Variants in TBC1D24 observed in about 807,000 individuals in gnomAD.
TBC1D24 encodes the protein Infantile myoclonic epilepsy.
In TBC1D24, 47 loss-of-function variants were observed where a neutral mutation model predicts 50.7. The ratio of observed to expected loss-of-function variants is 0.93; its 90% confidence interval spans 0.73 to 1.18. The LOEUF is 1.18. Ranked by LOEUF, TBC1D24 falls within the 50% of genes most tolerant of loss-of-function variation. The probability of loss-of-function intolerance (pLI) is 0.00; values close to 1 mark genes in which losing one functional copy is unlikely to be tolerated. For missense variants in TBC1D24, 688 were observed against 766.5 expected (o/e 0.90, Z 1.21); for synonymous variants, 324 against 335.2 (o/e 0.97, Z 0.36).
chr16:2,499,969 C>T lies in TBC1D24; in HGVS notation c.1302+39C>T, dbSNP rs1231534908. On this transcript the variant is annotated intron_variant, in intron 6 of 7. Transcript: ENST00000646147. This position sits in a 1 kb window ranked among gnomAD's most constrained non-coding sequence, Gnocchi z 4.0. Reference sequence around the variant, plus strand: ...AGTGTCCCCAAACCCCCACGCAGACCCTGTAGCTGCATCCCTCCAGGAGCA... The same window carrying T: ...AGTGTCCCCAAACCCCCACGCAGACTCTGTAGCTGCATCCCTCCAGGAGCA... The T allele has an allele frequency of 1.3e-6, 2 of 1,579,878 alleles. No individual in the cohort carries two copies. Among genetic ancestry groups the T allele is most frequent in the South Asian group, 2.2e-5 (2 of 90,406 alleles).
In TBC1D24 at chr16:2,487,627, G is replaced by T. The variant is rs1239124600; in HGVS notation, c.-115-8407G>T. Reference sequence around the variant, plus strand: ...GTGCTGGAGTTTTGTGCTGGAGTTTGGTGTTGGAGTTTGGTGTTGGAGTTT... The same window carrying T: ...GTGCTGGAGTTTTGTGCTGGAGTTTTGTGTTGGAGTTTGGTGTTGGAGTTT... On this transcript the variant is annotated intron_variant, in intron 1 of 7. Coordinates refer to ENST00000646147, the MANE Select transcript of TBC1D24 (RefSeq NM_001199107.2). The surrounding 1 kb of genome is among the most constrained non-coding windows in gnomAD (Gnocchi z 4.1). Among the ~76,000 whole-genome samples the T allele has an allele frequency of 6.7e-6, 1 of 149,078 alleles. No homozygotes were observed. Among genetic ancestry groups the T allele is most frequent in the Admixed American group, 6.7e-5 (1 of 14,856 alleles).
Position 2,499,863 on chromosome 16 carries a change from G to C in TBC1D24, c.1235G>C (p.Trp412Ser). The change falls in exon 6 of 8, where the codon TGG (tryptophan) becomes TCG (serine). Residue 412 changes from tryptophan (W) to serine (S), a missense_variant. By Grantham distance (177) the Trp-to-Ser change is radical (BLOSUM62 -3). Transcript: ENST00000646147. The surrounding 1 kb of genome is among the most constrained non-coding windows in gnomAD (Gnocchi z 4.0). ...TGTGGTGCTTACCTGTCCACAGACT[G>C]GAGTGAGAGAAATAAGTTTGGAGGC... ...EVCGAYLSTD[W>S]SERNKFGGKL... is the part of the protein sequence containing the mutation. The C allele has an allele frequency of 6.2e-7, 1 of 1,614,118 alleles. No homozygotes were observed. The highest frequency in any genetic ancestry group is 8.5e-7 in the Non-Finnish European group (1 of 1,179,980).
At position 2,485,756 on chromosome 16, in the gene TBC1D24, C is replaced by A. The variant is rs190778066; in HGVS notation, c.-115-10278C>A. On this transcript the variant is annotated intron_variant, in intron 1 of 7. Coordinates refer to ENST00000646147, the MANE Select transcript of TBC1D24 (RefSeq NM_001199107.2). This position sits in a 1 kb window ranked among gnomAD's most constrained non-coding sequence, Gnocchi z 4.6. Reference sequence around the variant, plus strand: ...CGCTGCAGAATGGATTGCTTGCTGCCGGGAGAAACCCCCGCATCTTCTGGG... The same window carrying A: ...CGCTGCAGAATGGATTGCTTGCTGCAGGGAGAAACCCCCGCATCTTCTGGG... 2.6e-5 allele frequency among the ~76,000 whole-genome samples: 4 copies of A among 152,130 alleles called. No homozygotes were observed. Among genetic ancestry groups the A allele is most frequent in the Admixed American group, 1.3e-4 (2 of 15,282 alleles).
intron 1 of TBC1D24, among the ~76,000 whole-genome samples, chr16:2,492,259 C>T (rs149425703): frequency 8.5e-4 from 129 of 152,120 alleles, no homozygotes; most frequent in African/African-American, 3.0e-3. Flanking sequence ...AGGGCTCCCT[C>T]GGGTCTTTTG....
In TBC1D24 at chr16:2,487,545, C is replaced by T. The variant is rs562415969; in HGVS notation, c.-115-8489C>T. Among the ~76,000 whole-genome samples the T allele has an allele frequency of 6.6e-6, 1 of 152,266 alleles. No individual in the cohort carries two copies. Among genetic ancestry groups the T allele is most frequent in the Non-Finnish European group, 1.5e-5 (1 of 68,054 alleles). ...TTGTTTGGGAAAATCACATTCCCCT[C>T]TGAAGAAGCGAGACGTGCAGAGGCC... is the stretch of plus-strand genomic sequence containing the variant. On this transcript the variant is annotated intron_variant, in intron 1 of 7. Transcript: ENST00000646147. This position sits in a 1 kb window ranked among gnomAD's most constrained non-coding sequence, Gnocchi z 4.1.
chr16:2,476,464 T>C (rs1043358806), intron 1 of TBC1D24: 1 of 152,282 alleles, frequency 6.6e-6, no homozygotes, highest in Non-Finnish European at 1.5e-5. Flanking sequence ...ATTTTACAGT[T>C]ACTGTTCCTA....
chr16:2,500,862 C>A lies in TBC1D24; in HGVS notation c.1584C>A (p.Ser528Arg), dbSNP rs1484557979. The change falls in exon 8 of 8, where the codon AGC (serine) becomes AGA (arginine). Residue 528 changes from serine to arginine, a missense_variant. Coordinates refer to ENST00000646147, the MANE Select transcript of TBC1D24 (RefSeq NM_001199107.2). This position sits in a 1 kb window ranked among gnomAD's most constrained non-coding sequence, Gnocchi z 8.0. ...IDGDLNRGRT[S>R]HCDTFNNQPL... ...GGGACCTGAACCGGGGCCGCACAAG[C>A]CACTGCGACACCTTCAACAACCAGC... is the stretch of plus-strand genomic sequence containing the variant. The A allele has an allele frequency of 6.2e-7, 1 of 1,612,520 alleles. No homozygotes were observed. The highest frequency in any genetic ancestry group is 8.5e-7 in the Non-Finnish European group (1 of 1,179,958).
In TBC1D24 at chr16:2,500,358, G is replaced by T; in HGVS notation, c.1393G>T (p.Ala465Ser). The T allele has an allele frequency of 6.2e-7, 1 of 1,608,948 alleles. No individual in the cohort carries two copies. The highest frequency in any genetic ancestry group is 1.3e-5 in the African/African-American group (1 of 74,902). ...ACCCTTGATGGCTGCCGAGCCCACCGCCCCACTCAGCCACTCCGCCTCCTC... is the reference window on the plus strand; with the variant it reads ...ACCCTTGATGGCTGCCGAGCCCACCTCCCCACTCAGCCACTCCGCCTCCTC... ...PPPLMAAEPT[A>S]PLSHSASSDP... Residue 465 changes from alanine to serine, a missense_variant, in exon 7 of 8, where the codon GCC (alanine) becomes TCC (serine). Transcript: ENST00000646147. The surrounding 1 kb of genome is among the most constrained non-coding windows in gnomAD (Gnocchi z 8.0).
chr16:2,497,755 T>A, intron 3 of TBC1D24, 28 bp downstream of exon 3: 1 of 1,535,608 alleles, frequency 6.5e-7, no homozygotes, highest in Non-Finnish European at 8.7e-7. Flanking sequence ...TCTGCACACC[T>A]GGCCTCTGTC....
intron 1 of TBC1D24, among the ~76,000 whole-genome samples, chr16:2,476,335 C>A (rs913009021): frequency 1.4e-4 from 22 of 152,228 alleles, no homozygotes; most frequent in Non-Finnish European, 2.9e-4. Flanking sequence ...ACAGTAGGCA[C>A]CTGTAAATGT....
At chr16:2,493,071 C>T (rs951744589) in intron 1 of TBC1D24, among the ~76,000 whole-genome samples, 2 of 151,894 alleles carry the variant, frequency 1.3e-5, no homozygotes, top group Admixed American at 1.3e-4. Flanking sequence ...CCAGCCTGGA[C>T]GACAGTGCGG....
At chr16:2,489,058 A>G (rs2065675007) in intron 1 of TBC1D24, among the ~76,000 whole-genome samples, 1 of 147,694 alleles carries the variant, frequency 6.8e-6, no homozygotes, top group African/African-American at 2.5e-5. Context: ...TGACAGAGTG[A>G]GACTCCTTCT....
chr16:2,505,700 G>C lies in TBC1D24; in HGVS notation c.*4742G>C, dbSNP rs1303669615. 1 of 152,212 alleles carries C rather than the reference G, an allele frequency of 6.6e-6. No homozygotes were observed. The highest frequency in any genetic ancestry group is 1.5e-5 in the Non-Finnish European group (1 of 68,034). 9.4% of individuals were successfully genotyped at this position (152,212 alleles called of 1,614,324 possible). ...TGATATGTTTGGTTGGTGTTAATTT[G>C]AGTCCTAAATAAAATCGAGAACTGG... On this transcript the variant is annotated 3_prime_UTR_variant, in exon 8 of 8. Transcript: ENST00000646147.
Position 2,499,992 on chromosome 16 carries a change from G to A in TBC1D24, c.1302+62G>A. 1 of 1,438,428 alleles carries A rather than the reference G, an allele frequency of 7.0e-7. No individual in the cohort carries two copies. The highest frequency in any genetic ancestry group is 9.8e-7 in the Non-Finnish European group (1 of 1,020,618). 89.1% of individuals were successfully genotyped at this position (1,438,428 alleles called of 1,614,324 possible). On this transcript the variant is annotated intron_variant, in intron 6 of 7. Coordinates refer to ENST00000646147, the MANE Select transcript of TBC1D24 (RefSeq NM_001199107.2). This position sits in a 1 kb window ranked among gnomAD's most constrained non-coding sequence, Gnocchi z 4.0. ...ACCCTGTAGCTGCATCCCTCCAGGA[G>A]CACCCGCCTGCCCTGGGGACACTGT...
At position 2,500,286 on chromosome 16, in the gene TBC1D24, C is replaced by G. The variant is rs775497984; in HGVS notation, c.1321C>G (p.Arg441Gly). ...ACCCCAGCTGCAGCCTGAGGTGCAGCGCTACGAGTGGGTGGTGATCAAGCA... is the reference window on the plus strand; with the variant it reads ...ACCCCAGCTGCAGCCTGAGGTGCAGGGCTACGAGTGGGTGGTGATCAAGCA... The part of the protein sequence containing the change: ...FVFRLQPEVQ[R>G]YEWVVIKHPE... The change falls in exon 7 of 8, where the codon CGC becomes GGC. Residue 441 changes from arginine (R) to glycine (G), a missense_variant. Coordinates refer to ENST00000646147, the MANE Select transcript of TBC1D24 (RefSeq NM_001199107.2). This position sits in a 1 kb window ranked among gnomAD's most constrained non-coding sequence, Gnocchi z 8.0. 1 of 1,607,582 alleles carries G rather than the reference C, an allele frequency of 6.2e-7. No homozygotes were observed.
At chr16:2,478,876 G>C (rs1406049590) in intron 1 of TBC1D24, 1 of 151,308 alleles carries the variant, frequency 6.6e-6, no homozygotes, top group African/African-American at 2.4e-5. Flanking sequence ...TGGGACGATA[G>C]ACTTTTTTCT....
At chr16:2,495,890 G>A (rs566075220) in intron 1 of TBC1D24, 144 bp from the exon 2 acceptor site, 2 of 460,816 alleles carry the variant, frequency 4.3e-6, no homozygotes, top group Non-Finnish European at 4.0e-6. Context: ...GCAGGGTCAC[G>A]CCACTGCACC....
chr16:2,496,168 A>G lies in TBC1D24; in HGVS notation c.20A>G (p.Asn7Ser), dbSNP rs765897138. Residue 7 changes from asparagine (N) to serine (S), a missense_variant, in exon 2 of 8, where the codon AAC (asparagine) becomes AGC (serine). Transcript: ENST00000646147. ...GGCGCTATGGACTCTCCAGGATACA[A>G]CTGCTTCGTGGACAAAGACAAGATG... MDSPGY[N>S]CFVDKDKMDA... The G allele has an allele frequency of 1.9e-6, 3 of 1,613,818 alleles. No homozygotes were observed. Among genetic ancestry groups the G allele is most frequent in the Non-Finnish European group, 2.5e-6 (3 of 1,180,024 alleles).
intron 1 of TBC1D24, chr16:2,484,086 C>T (rs2065631029): frequency 6.6e-6 from 1 of 152,272 alleles, no homozygotes; most frequent in African/African-American, 2.4e-5. Context: ...ATGGGAGGAC[C>T]AGGGGGTGGC....
Sources: gnomAD v4.1 joint callset for allele counts (sites outside exome capture counted in the v4.1 genomes callset) on GRCh38, gnomAD v4.1.1 for gene constraint, Gnocchi (gnomAD v3.1) non-coding constraint, MANE v1.5 for transcripts, NCBI Gene and HGNC (gene_info 2026-07-23, HGNC 2026-07-21) for gene names.